The following AGBL4 variants were observed in gnomAD, a reference collection of about 807,000 sequenced individuals.
AGBL4 encodes cytosolic carboxypeptidase 6.
Under a neutral mutation model 66.4 loss-of-function variants are expected in AGBL4, and 58 were observed. The ratio of observed to expected loss-of-function variants is 0.87; its 90% CI spans 0.71 to 1.09. The LOEUF (loss-of-function observed/expected upper bound fraction) is 1.09. Among genes scored for constraint, AGBL4 ranks in the 50% least tolerant of loss-of-function variants. The pLI, the probability that AGBL4 is intolerant of heterozygous loss-of-function variation, is 0.00. For missense variants in AGBL4, 579 were observed against 631.0 expected, an observed-to-expected ratio of 0.92 and a Z score of 0.88; for synonymous variants, 234 against 222.9, an observed-to-expected ratio of 1.05 and a Z score of -0.44.
chr1:49,270,203 GT>G (rs1394686219), intron 3 of AGBL4, among the ~76,000 whole-genome samples: 3 of 152,138 alleles, frequency 2.0e-5, no homozygotes, highest in African/African-American at 7.2e-5. Context: ...CCCAGAAATA[GT>G]TTTTCCTTGT....
chr1:49,896,667 A>G (rs1339956558), intron 1 of AGBL4, among the ~76,000 whole-genome samples: 3 of 150,128 alleles, frequency 2.0e-5, no homozygotes, highest in African/African-American at 2.4e-5. Context: ...CTAAATGCTA[A>G]TATCACTGAA....
At chr1:49,620,415 G>A (rs543745086) in intron 3 of AGBL4, among the ~76,000 whole-genome samples, 3 of 152,250 alleles carry the variant, frequency 2.0e-5, no homozygotes, top group Admixed American at 6.5e-5. Context: ...AAAGCACAAT[G>A]AGATACCATC....
rs1644256269 is a variant in AGBL4, at chr1:48,761,556, G to C, written c.635-98315C>G. The C allele has an allele frequency of 2.2e-6, 3 of 1,356,280 alleles. No homozygotes were observed. In the African/African-American group the frequency reaches 4.4e-5, roughly 20 times the overall value. 84.0% of individuals were successfully genotyped at this position (1,356,280 alleles called of 1,614,324 possible). ...AGAATGCCCAAAACCTCAAATGCTA[G>C]AAAATAATTGAGGCCAGACCAGTTA... On this transcript the variant is annotated intron_variant, in intron 6 of 13. Coordinates refer to ENST00000371839, the MANE Select transcript of AGBL4 (RefSeq NM_032785.4).
chr1:48,967,909 C>T (rs886893640), intron 5 of AGBL4, among the ~76,000 whole-genome samples: 16 of 152,110 alleles, frequency 1.1e-4, no homozygotes, highest in African/African-American at 3.9e-4. Flanking sequence ...AATTTATAAT[C>T]AGGGAAACTT....
At chr1:49,832,643 T>C (rs1474469641) in intron 2 of AGBL4, among the ~76,000 whole-genome samples, 1 of 151,336 alleles carries the variant, frequency 6.6e-6, no homozygotes, top group Non-Finnish European at 1.5e-5. Flanking sequence ...TTTCTCCACA[T>C]CCTCTCCAGC....
At position 49,728,835 on chromosome 1, in the gene AGBL4, G is replaced by T. The variant is rs1649219602; in HGVS notation, c.158-31398C>A. On this transcript the variant is annotated intron_variant, in intron 2 of 13. Transcript: ENST00000371839. ...TCAACTGTCCATTCCCAGTTCAGGA[G>T]TCTTCAAAGGGCAGGCTTGTACTCT... is the stretch of plus-strand genomic sequence containing the variant. 2.0e-5 allele frequency among the ~76,000 whole-genome samples: 3 copies of T among 152,176 alleles called. No homozygotes were observed. The South Asian group carries it at 6.2e-4, about 31-fold the overall frequency.
At chr1:49,756,228 A>G (rs1651875380) in intron 2 of AGBL4, among the ~76,000 whole-genome samples, 1 of 152,120 alleles carries the variant, frequency 6.6e-6, no homozygotes, top group South Asian at 2.1e-4. Context: ...TAGTAATTAT[A>G]GATATAACCA....
At chr1:49,704,625 A>G (rs1466805179) in intron 2 of AGBL4, among the ~76,000 whole-genome samples, 1 of 152,114 alleles carries the variant, frequency 6.6e-6, no homozygotes, top group Non-Finnish European at 1.5e-5. Flanking sequence ...AAAAAGGGGT[A>G]CAGTTTCAGT....
Position 49,545,989 on chromosome 1 carries a change from T to C in AGBL4, c.282+151324A>G, listed in dbSNP as rs548181906. Among the ~76,000 whole-genome samples the C allele has an allele frequency of 2.0e-5, 3 of 152,280 alleles. No homozygotes were observed. In the East Asian group the frequency reaches 5.8e-4, roughly 29 times the overall value. On this transcript the variant is annotated intron_variant, in intron 3 of 13. Transcript: ENST00000371839. ...TTGGATGCACCCATCACCCGAGCAGTATACAATGCACCATATTTGTAGTCT... is the reference window on the plus strand; with the variant it reads ...TTGGATGCACCCATCACCCGAGCAGCATACAATGCACCATATTTGTAGTCT...
chr1:49,216,143 T>A (rs984111608), intron 4 of AGBL4, among the ~76,000 whole-genome samples: 28 of 152,098 alleles, frequency 1.8e-4, no homozygotes, highest in Non-Finnish European at 1.0e-4. Flanking sequence ...TACAGTACAA[T>A]CTGGAAAGTG....
At chr1:48,770,688 C>G (rs1488660495) in intron 6 of AGBL4, among the ~76,000 whole-genome samples, 1 of 152,168 alleles carries the variant, frequency 6.6e-6, no homozygotes, top group Non-Finnish European at 1.5e-5. Flanking sequence ...CGACAGGTCT[C>G]AAGCTACTCA....
At chr1:49,636,663 A>G (rs1227339518) in intron 3 of AGBL4, among the ~76,000 whole-genome samples, 3 of 152,230 alleles carry the variant, frequency 2.0e-5, no homozygotes. Flanking sequence ...GAATTCAGGA[A>G]ATAGAAAAAT....
intron 11 of AGBL4, among the ~76,000 whole-genome samples, chr1:48,580,417 G>C (rs532972661): frequency 6.6e-6 from 1 of 152,342 alleles, no homozygotes; most frequent in East Asian, 1.9e-4. Flanking sequence ...AGGCTGGGAA[G>C]CCAAGTCAGG....
intron 5 of AGBL4, among the ~76,000 whole-genome samples, chr1:48,975,201 T>C (rs1225080962): frequency 6.6e-6 from 1 of 152,184 alleles, no homozygotes; most frequent in African/African-American, 2.4e-5. Context: ...CTATATTTTG[T>C]ACTAAAGAAG....
chr1:49,449,360 T>G (rs1237001060), intron 3 of AGBL4, among the ~76,000 whole-genome samples: 1 of 152,002 alleles, frequency 6.6e-6, no homozygotes, highest in Non-Finnish European at 1.5e-5. Flanking sequence ...GACATATAAT[T>G]AAGTCACTCA....
chr1:49,742,261 A>C (rs1429531202), intron 2 of AGBL4, among the ~76,000 whole-genome samples: 1 of 150,686 alleles, frequency 6.6e-6, no homozygotes, highest in African/African-American at 2.4e-5. Flanking sequence ...CCAATAACAG[A>C]CAAACAGAGA....
intron 5 of AGBL4, among the ~76,000 whole-genome samples, chr1:48,891,559 C>T (rs974015470): frequency 7.2e-5 from 11 of 152,188 alleles, no homozygotes; most frequent in Non-Finnish European, 1.3e-4. Context: ...TCTTAGGAAC[C>T]TCTTACCAAA....
intron 3 of AGBL4, among the ~76,000 whole-genome samples, chr1:49,521,683 A>T: frequency 6.6e-6 from 1 of 152,148 alleles, no homozygotes; most frequent in Non-Finnish European, 1.5e-5. Context: ...ATTTAAACAT[A>T]AGACCCCCAA....
At chr1:49,846,743 A>G (rs1369771736) in intron 2 of AGBL4, among the ~76,000 whole-genome samples, 3 of 152,240 alleles carry the variant, frequency 2.0e-5, no homozygotes, top group Non-Finnish European at 4.4e-5. Flanking sequence ...GATTTCTACT[A>G]GAAAAACTGC....
Sources: gnomAD v4.1 joint callset for allele counts (sites outside exome capture counted in the v4.1 genomes callset) on GRCh38, gnomAD v4.1.1 for gene constraint, MANE v1.5 for transcripts, NCBI Gene and HGNC (gene_info 2026-07-23, HGNC 2026-07-21) for gene names.